Variants in PRKCE observed in about 807,000 individuals in gnomAD.
PRKCE encodes protein kinase C epsilon type.
PRKCE carries 16 observed loss-of-function variants against 85.4 expected under a neutral mutation model. The ratio of observed to expected loss-of-function variants is 0.19; its 90% CI spans 0.13 to 0.28. The LOEUF is 0.28. Ranked by LOEUF, PRKCE falls within the 10% of genes least tolerant of loss-of-function variation. PRKCE has a pLI of 1.00. For missense variants in PRKCE, 573 were observed against 975.2 expected (o/e 0.59, Z 5.49); for synonymous variants, 388 against 371.5 (o/e 1.04, Z -0.51).
At chr2:45,722,831 T>C (rs1226924581) in intron 1 of PRKCE, among the ~76,000 whole-genome samples, 1 of 152,234 alleles carries the variant, frequency 6.6e-6, no homozygotes, top group Non-Finnish European at 1.5e-5. Context: ...CTGGGCGTGG[T>C]GGCTCACGCC....
intron 2 of PRKCE, among the ~76,000 whole-genome samples, chr2:45,936,879 G>C (rs1472449827): frequency 6.6e-6 from 1 of 152,162 alleles, no homozygotes; most frequent in Non-Finnish European, 1.5e-5. Flanking sequence ...AAGGGGCAGG[G>C]ACAAAAGCTC....
At chr2:46,118,897 G>C (rs1023434852) in intron 11 of PRKCE, among the ~76,000 whole-genome samples, 1 of 152,140 alleles carries the variant, frequency 6.6e-6, no homozygotes, top group African/African-American at 2.4e-5. Flanking sequence ...AGTCTCATTC[G>C]AACAACCTGA....
chr2:45,888,465 CTTTTTTTT>C (rs34871432), intron 2 of PRKCE, among the ~76,000 whole-genome samples: 1 of 74,752 alleles, frequency 1.3e-5, no homozygotes, highest in Non-Finnish European at 2.4e-5. Flanking sequence ...TCCCAACAGT[CTTTTTTTT>C]TTTTTTTTTT....
chr2:46,134,544 C>A (rs1674769522), intron 11 of PRKCE, among the ~76,000 whole-genome samples: 1 of 152,200 alleles, frequency 6.6e-6, no homozygotes, highest in African/African-American at 2.4e-5. Flanking sequence ...AGGTTTGCTC[C>A]AAAGTGGAAA....
chr2:45,762,581 G>T (rs956738127), intron 1 of PRKCE, among the ~76,000 whole-genome samples: 14 of 152,228 alleles, frequency 9.2e-5, no homozygotes, highest in Non-Finnish European at 1.9e-4. Context: ...ATCTGGAAGA[G>T]CTTGCCTGGG....
rs1704709105 is a variant in PRKCE at position 46,001,849 on chromosome 2, A to G, written c.966+303A>G. On this transcript the variant is annotated intron_variant, in intron 7 of 14. Coordinates refer to ENST00000306156, the MANE Select transcript of PRKCE (RefSeq NM_005400.3). This position sits in a 1 kb window ranked among gnomAD's most constrained non-coding sequence, Gnocchi z 4.4. ...TAGAAAAAGCTTAACAACTCCATAC[A>G]AGGAAATGGACTTATCTGCTTCCAG... Among the ~76,000 whole-genome samples, 1 of 152,188 alleles carries G rather than the reference A, an allele frequency of 6.6e-6. No individual in the cohort carries two copies. The highest frequency in any genetic ancestry group is 1.5e-5 in the Non-Finnish European group (1 of 68,030).
chr2:46,140,167 A>T (rs1232959615), intron 11 of PRKCE, among the ~76,000 whole-genome samples: 1 of 152,206 alleles, frequency 6.6e-6, no homozygotes, highest in Non-Finnish European at 1.5e-5. Flanking sequence ...CACAATAAAG[A>T]CATCACCAGG....
At chr2:45,932,020 T>C (rs575169677) in intron 2 of PRKCE, among the ~76,000 whole-genome samples, 1 of 152,190 alleles carries the variant, frequency 6.6e-6, no homozygotes, top group African/African-American at 2.4e-5. Context: ...CCCGGCCACA[T>C]ACTGAATTTT....
At chr2:45,771,409 C>T (rs1475949147) in intron 1 of PRKCE, among the ~76,000 whole-genome samples, 6 of 152,110 alleles carry the variant, frequency 3.9e-5, no homozygotes, top group Admixed American at 6.5e-5. Flanking sequence ...TTCTCCCTGG[C>T]GCGGCCACCT....
At chr2:46,109,778 A>G (rs1379976501) in intron 11 of PRKCE, among the ~76,000 whole-genome samples, 2 of 152,116 alleles carry the variant, frequency 1.3e-5, no homozygotes, top group Non-Finnish European at 1.5e-5. Flanking sequence ...TGTCTGTTAC[A>G]GATCTTAGTG....
At chr2:45,680,240 G>A (rs1220619997) in intron 1 of PRKCE, among the ~76,000 whole-genome samples, 1 of 152,210 alleles carries the variant, frequency 6.6e-6, no homozygotes, top group Non-Finnish European at 1.5e-5. Context: ...TTTCAGTGGT[G>A]GACACCAGCA....
intron 1 of PRKCE, among the ~76,000 whole-genome samples, chr2:45,802,825 A>G (rs750201757): frequency 6.6e-6 from 1 of 152,248 alleles, no homozygotes; most frequent in Non-Finnish European, 1.5e-5. Flanking sequence ...ATAAACATGC[A>G]CAGTATATGC....
At chr2:45,813,189 C>G (rs1473940981) in intron 1 of PRKCE, among the ~76,000 whole-genome samples, 1 of 152,176 alleles carries the variant, frequency 6.6e-6, no homozygotes, top group Non-Finnish European at 1.5e-5. Flanking sequence ...AGCCATTACA[C>G]CTTCCTGAGG....
Position 45,691,155 on chromosome 2 carries a change from G to C in PRKCE, c.348+38707G>C, listed in dbSNP as rs185198945. The stretch of plus-strand genomic sequence containing the variant: ...GCCAGAATGGGGCCTTTGGAAACCA[G>C]CGAGCTGTGTCCGTCAGTGGGCTGG... On this transcript the variant is annotated intron_variant, in intron 1 of 14. Coordinates refer to ENST00000306156, the MANE Select transcript of PRKCE (RefSeq NM_005400.3). 2.0e-5 allele frequency among the ~76,000 whole-genome samples: 3 copies of C among 152,314 alleles called. No individual in the cohort carries two copies. In the East Asian group the frequency reaches 5.8e-4, roughly 29 times the overall value.
At chr2:45,743,735 A>G (rs943642957) in intron 1 of PRKCE, among the ~76,000 whole-genome samples, 2 of 152,188 alleles carry the variant, frequency 1.3e-5, no homozygotes, top group Non-Finnish European at 2.9e-5. Flanking sequence ...GGAGGTTTTT[A>G]AGACTGTGTT....
At chr2:45,654,045 C>A (rs1675268294) in intron 1 of PRKCE, among the ~76,000 whole-genome samples, 2 of 152,178 alleles carry the variant, frequency 1.3e-5, no homozygotes, top group Admixed American at 1.3e-4. Flanking sequence ...CTCTGAAAAC[C>A]TGTGATTTTG....
chr2:46,101,971 C>G (rs188761081), intron 11 of PRKCE, among the ~76,000 whole-genome samples: 28 of 152,028 alleles, frequency 1.8e-4, no homozygotes, highest in Admixed American at 1.8e-3. Flanking sequence ...TGTTGAACAA[C>G]CAGCTCACAA....
chr2:46,087,063 G>A (rs1038262357), intron 11 of PRKCE, among the ~76,000 whole-genome samples: 2 of 152,096 alleles, frequency 1.3e-5, no homozygotes, highest in South Asian at 2.1e-4. Flanking sequence ...TAGCCACAAG[G>A]ATACTCAAGT....
chr2:45,897,242 A>C (rs549338110), intron 2 of PRKCE, among the ~76,000 whole-genome samples: 1 of 152,178 alleles, frequency 6.6e-6, no homozygotes, highest in Non-Finnish European at 1.5e-5. Flanking sequence ...CAGTCCATCT[A>C]TCGGCCCGTC....
Sources: allele counts gnomAD v4.1 joint callset (sites outside exome capture counted in the v4.1 genomes callset), GRCh38; gene constraint gnomAD v4.1.1; non-coding constraint Gnocchi (gnomAD v3.1); transcripts MANE v1.5; gene names NCBI Gene and HGNC (gene_info 2026-07-23, HGNC 2026-07-21).